KIAA1328: variants seen among roughly 807,000 people sequenced by gnomAD.
The protein encoded by KIAA1328 is KIAA1328.
Under a neutral mutation model 68.1 loss-of-function variants are expected in KIAA1328, and 52 were observed. That is an observed-to-expected ratio of 0.76 (90% CI 0.61 to 0.96). The LOEUF is 0.96. KIAA1328 is among the 40% of genes least tolerant of loss of function. KIAA1328 has a pLI of 0.00. For missense variants in KIAA1328, 641 were observed against 677.6 expected, an observed-to-expected ratio of 0.95 and a Z score of 0.60; for synonymous variants, 232 against 239.4, an observed-to-expected ratio of 0.97 and a Z score of 0.28.
intron 6 of KIAA1328, among the ~76,000 whole-genome samples, chr18:37,036,479 C>G (rs1297900750): frequency 1.3e-5 from 2 of 152,214 alleles, no homozygotes; most frequent in Admixed American, 6.5e-5. Flanking sequence ...CTTTTACATA[C>G]AACTCATTTG....
intron 6 of KIAA1328, among the ~76,000 whole-genome samples, chr18:37,041,150 T>C (rs1027202914): frequency 2.6e-5 from 4 of 152,030 alleles, no homozygotes; most frequent in African/African-American, 9.7e-5. Flanking sequence ...AATGGTATAT[T>C]GAAGACTGAT....
At chr18:37,141,945 G>A (rs1002763121) in intron 7 of KIAA1328, among the ~76,000 whole-genome samples, 1 of 151,996 alleles carries the variant, frequency 6.6e-6, no homozygotes, top group African/African-American at 2.4e-5. Flanking sequence ...TGAATATTTT[G>A]GATACAAAGT....
intron 7 of KIAA1328, among the ~76,000 whole-genome samples, chr18:37,088,452 G>A (rs376503107): frequency 1.3e-5 from 2 of 151,956 alleles, no homozygotes; most frequent in Non-Finnish European, 2.9e-5. Context: ...ATTAGAATGA[G>A]CACTTTTCTA....
chr18:37,084,476 G>GTT (rs1174581418), intron 7 of KIAA1328: 383 of 130,114 alleles, frequency 2.9e-3, no homozygotes, highest in Non-Finnish European at 4.0e-3. Flanking sequence ...TTTGTTTTTT[G>GTT]TTTTTTTTTT....
At chr18:37,068,967 G>T (rs985749967) in intron 7 of KIAA1328, among the ~76,000 whole-genome samples, 5 of 151,940 alleles carry the variant, frequency 3.3e-5, no homozygotes, top group Non-Finnish European at 5.9e-5. Flanking sequence ...TCATAGAGCA[G>T]AAATTTTTAA....
At chr18:37,025,870 G>A (rs1021481319) in intron 6 of KIAA1328, among the ~76,000 whole-genome samples, 1 of 152,064 alleles carries the variant, frequency 6.6e-6, no homozygotes, top group African/African-American at 2.4e-5. Flanking sequence ...AAATAACTAA[G>A]ATCAGAGCAG....
chr18:36,985,548 A>G (rs780142534), intron 6 of KIAA1328, among the ~76,000 whole-genome samples: 48 of 152,320 alleles, frequency 3.2e-4, no homozygotes, highest in Non-Finnish European at 2.2e-4. Flanking sequence ...GGACCCAAAG[A>G]AATATGCCTA....
intron 7 of KIAA1328, 50 bp from the exon 8 acceptor site, chr18:37,160,150 C>A: frequency 6.8e-7 from 1 of 1,476,164 alleles, no homozygotes; most frequent in African/African-American, 1.4e-5. Context: ...TCTATGTGCT[C>A]TGTGTTCCCT....
chr18:37,076,173 A>G (rs1319991315), intron 7 of KIAA1328, among the ~76,000 whole-genome samples: 9 of 152,262 alleles, frequency 5.9e-5, no homozygotes, highest in Non-Finnish European at 1.2e-4. Context: ...CTCAGAATTA[A>G]GAAACTCACT....
At chr18:36,883,456 A>G (rs1428412778) in intron 4 of KIAA1328, among the ~76,000 whole-genome samples, 1 of 152,206 alleles carries the variant, frequency 6.6e-6, no homozygotes, top group Non-Finnish European at 1.5e-5. Context: ...TATGCCAGCA[A>G]TCCTACAAAG....
chr18:37,081,455 T>A (rs1450814578), intron 7 of KIAA1328, among the ~76,000 whole-genome samples: 1 of 152,168 alleles, frequency 6.6e-6, no homozygotes, highest in African/African-American at 2.4e-5. Flanking sequence ...TTGGCCTGCT[T>A]TTTAGGTTTA....
Position 37,037,168 on chromosome 18 carries a change from T to C in KIAA1328, c.577-29722T>C, listed in dbSNP as rs191808732. ...GCCGTAACTATTATATAGGGATTTG[T>C]ATAAAAAAATCTTTCCTCAAATCAA... is the stretch of plus-strand genomic sequence containing the variant. On this transcript the variant is annotated intron_variant, in intron 6 of 9. Transcript: ENST00000280020. Among the ~76,000 whole-genome samples, 218 of 152,248 alleles carry C rather than the reference T, an allele frequency of 1.4e-3. 3 individuals carry two copies. Among genetic ancestry groups the C allele is most frequent in the Admixed American group, 0.013 (202 of 15,292 alleles).
At chr18:37,209,028 A>C (rs776387295) in intron 9 of KIAA1328, among the ~76,000 whole-genome samples, 1 of 152,218 alleles carries the variant, frequency 6.6e-6, no homozygotes, top group Non-Finnish European at 1.5e-5. Context: ...TATTGGTTGT[A>C]TTAATGTAAA....
Position 37,019,109 on chromosome 18 carries a change from A to G in KIAA1328, c.577-47781A>G, listed in dbSNP as rs536919385. On this transcript the variant is annotated intron_variant, in intron 6 of 9. Coordinates refer to ENST00000280020, the MANE Select transcript of KIAA1328 (RefSeq NM_020776.3). ...CAGGCAGGATATTTTCTTTTTTCCT[A>G]TGGTGTTATTGTTGTTGTTTTATTT... Among the ~76,000 whole-genome samples, 3 of 149,928 alleles carry G rather than the reference A, an allele frequency of 2.0e-5. No individual in the cohort carries two copies. In the South Asian group the frequency reaches 6.5e-4, roughly 32 times the overall value.
At chr18:37,141,725 G>A (rs2861137) in intron 7 of KIAA1328, among the ~76,000 whole-genome samples, 7 of 152,294 alleles carry the variant, frequency 4.6e-5, no homozygotes, top group African/African-American at 1.7e-4. Flanking sequence ...CAGAATTCCA[G>A]TTGCTCCATG....
At chr18:37,129,103 A>G (rs992904534) in intron 7 of KIAA1328, among the ~76,000 whole-genome samples, 1 of 152,112 alleles carries the variant, frequency 6.6e-6, no homozygotes, top group Non-Finnish European at 1.5e-5. Context: ...AACTGTATAC[A>G]TTTGTCAAAC....
At chr18:37,128,605 T>A (rs2058448806) in intron 7 of KIAA1328, among the ~76,000 whole-genome samples, 1 of 152,156 alleles carries the variant, frequency 6.6e-6, no homozygotes. Context: ...GAAGTTTTAA[T>A]CAAATAAAAC....
intron 7 of KIAA1328, among the ~76,000 whole-genome samples, chr18:37,070,402 G>A (rs558054950): frequency 9.9e-5 from 15 of 152,144 alleles, no homozygotes; most frequent in Non-Finnish European, 2.1e-4. Context: ...TGACAGAGGC[G>A]TTTTGAAATC....
intron 9 of KIAA1328, among the ~76,000 whole-genome samples, chr18:37,212,031 A>G (rs2060327150): frequency 6.6e-6 from 1 of 152,054 alleles, no homozygotes. Context: ...TAGATTTTCC[A>G]TTGTTTGATT....
Sources: gnomAD v4.1 joint callset for allele counts (sites outside exome capture counted in the v4.1 genomes callset) on GRCh38, gnomAD v4.1.1 for gene constraint, MANE v1.5 for transcripts, NCBI Gene and HGNC (gene_info 2026-07-23, HGNC 2026-07-21) for gene names.